WDR59: variants seen among roughly 807,000 people sequenced by gnomAD.
The protein encoded by WDR59 is WD repeat domain 59, also known as GATOR2 complex protein WDR59.
WDR59 carries 100 observed loss-of-function variants against 131.2 expected under a neutral mutation model. The ratio of observed to expected loss-of-function variants is 0.76; its 90% CI spans 0.65 to 0.90. The LOEUF (loss-of-function observed/expected upper bound fraction) is 0.90, where lower values mean the gene tolerates loss of function less well. Among genes scored for constraint, WDR59 ranks in the 40% least tolerant of loss-of-function variants. WDR59 has a pLI of 0.00. For synonymous variants in WDR59, 601 were observed against 466.2 expected, an observed-to-expected ratio of 1.29 and a Z score of -3.72; for missense variants, 1,203 against 1,262.2, an observed-to-expected ratio of 0.95 and a Z score of 0.71.
intron 3 of WDR59, among the ~76,000 whole-genome samples, chr16:74,952,463 AAAAG>A (rs1299426515): frequency 4.0e-5 from 6 of 150,406 alleles, no homozygotes; most frequent in African/African-American, 1.5e-4. Context: ...AAAAAAAAAA[AAAAG>A]AAAAGAAAAG....
At chr16:74,875,865 T>G (rs1224998809) in intron 25 of WDR59, among the ~76,000 whole-genome samples, 1 of 152,128 alleles carries the variant, frequency 6.6e-6, no homozygotes, top group Non-Finnish European at 1.5e-5. Context: ...GAAATGCATC[T>G]CACTTCATAC....
chr16:74,970,106 G>A (rs1398343760), intron 1 of WDR59, among the ~76,000 whole-genome samples: 2 of 152,096 alleles, frequency 1.3e-5, no homozygotes, highest in Non-Finnish European at 2.9e-5. Flanking sequence ...TGTATTTTTG[G>A]TAGAGATAGT....
intron 2 of WDR59, among the ~76,000 whole-genome samples, chr16:74,962,296 T>G (rs1016807435): frequency 6.6e-6 from 1 of 152,108 alleles, no homozygotes; most frequent in African/African-American, 2.4e-5. Context: ...CCGTATGAAT[T>G]TCATAGTTTT....
chr16:74,952,769 A>T (rs11645937), intron 3 of WDR59, among the ~76,000 whole-genome samples: 4,081 of 148,740 alleles, frequency 0.027, 142 homozygotes, highest in Admixed American at 0.1. Context: ...TTTTTAAATT[A>T]TATATATATA....
At position 74,951,560 on chromosome 16, in the gene WDR59, G is replaced by A. The variant is rs2033001471; in HGVS notation, c.241-17C>T. The A allele has an allele frequency of 6.4e-7, 1 of 1,571,548 alleles. No homozygotes were observed. The highest frequency in any genetic ancestry group is 1.9e-5 in the Admixed American group (1 of 52,610). ...TTGGTTACTCTGAAAAGAAAGGAAA[G>A]AAGGCCACAGGCAAGTATGTTGGGA... On this transcript the variant is annotated splice_polypyrimidine_tract_variant and intron_variant, in intron 3 of 25. Coordinates refer to ENST00000262144, the MANE Select transcript of WDR59 (RefSeq NM_030581.4).
At position 74,909,500 on chromosome 16, in the gene WDR59, C is replaced by T. The variant is rs756225766; in HGVS notation, c.1642+1G>A. 1 of 1,562,210 alleles carries T rather than the reference C, an allele frequency of 6.4e-7. No individual in the cohort carries two copies. Among genetic ancestry groups the T allele is most frequent in the African/African-American group, 1.4e-5 (1 of 72,520 alleles). On this transcript the variant is annotated splice_donor_variant, in intron 16 of 25. Coordinates refer to ENST00000262144, the MANE Select transcript of WDR59 (RefSeq NM_030581.4). LOFTEE classifies it high-confidence loss of function. The stretch of plus-strand genomic sequence containing the variant: ...AGAATCAAAGAACCAAAGAGACCCA[C>T]CTGCTCCGCAGAACCTGGCCCCAGA...
At chr16:74,889,611 T>C (rs1964941615) in intron 21 of WDR59, 92 bp downstream of exon 21, 1 of 972,662 alleles carries the variant, frequency 1.0e-6, no homozygotes, top group Non-Finnish European at 1.6e-6. Context: ...CTCGGGCCTC[T>C]GCACCTTTCT....
At chr16:74,936,548 G>A (rs971359280) in intron 8 of WDR59, among the ~76,000 whole-genome samples, 4 of 152,092 alleles carry the variant, frequency 2.6e-5, no homozygotes, top group South Asian at 4.2e-4. Context: ...AAATGCAGCC[G>A]GGCATGGTAG....
intron 20 of WDR59, among the ~76,000 whole-genome samples, chr16:74,890,350 C>A (rs1244300227): frequency 1.3e-5 from 2 of 152,062 alleles, no homozygotes; most frequent in Non-Finnish European, 2.9e-5. Context: ...GGGGTTTTGC[C>A]ATGTTGGCCA....
At chr16:74,896,666 C>T (rs1965314317) in intron 18 of WDR59, among the ~76,000 whole-genome samples, 2 of 151,918 alleles carry the variant, frequency 1.3e-5, no homozygotes, top group African/African-American at 4.8e-5. Context: ...ATTTCCTGAC[C>T]TTTAAAACAA....
intron 23 of WDR59, 95 bp from the exon 24 acceptor site, chr16:74,886,491 TC>T: frequency 6.8e-7 from 1 of 1,476,078 alleles, no homozygotes; most frequent in Non-Finnish European, 9.1e-7. Context: ...CCAATGGATT[TC>T]CCAGAAGAAA....
At chr16:74,965,419 GGAAC>G (rs1461485257) in intron 2 of WDR59, among the ~76,000 whole-genome samples, 1 of 152,108 alleles carries the variant, frequency 6.6e-6, no homozygotes. Context: ...CCGTCAAACT[GGAAC>G]TCAGATTCCT....
chr16:74,931,980 T>A (rs1210669400), intron 8 of WDR59, among the ~76,000 whole-genome samples: 3 of 151,934 alleles, frequency 2.0e-5, no homozygotes, highest in Non-Finnish European at 4.4e-5. Flanking sequence ...TGTTATAATA[T>A]CAACTTAAAT....
intron 25 of WDR59, among the ~76,000 whole-genome samples, chr16:74,880,195 C>T (rs1166461226): frequency 3.3e-5 from 5 of 152,128 alleles, no homozygotes; most frequent in Non-Finnish European, 5.9e-5. Context: ...CGCCTGTAAT[C>T]CCAGCACTTT....
At chr16:74,895,250 C>A (rs1965241971) in intron 18 of WDR59, among the ~76,000 whole-genome samples, 1 of 151,990 alleles carries the variant, frequency 6.6e-6, no homozygotes, top group South Asian at 2.1e-4. Context: ...GGAACTTTAA[C>A]CCGTTTGATC....
At chr16:74,954,621 T>C (rs1314585328) in intron 3 of WDR59, among the ~76,000 whole-genome samples, 5 of 152,124 alleles carry the variant, frequency 3.3e-5, no homozygotes, top group African/African-American at 7.2e-5. Context: ...AGAATTACCA[T>C]ATGACCCTGC....
chr16:74,914,695 G>A (rs569903466), intron 13 of WDR59, among the ~76,000 whole-genome samples: 2 of 151,752 alleles, frequency 1.3e-5, no homozygotes, highest in African/African-American at 4.8e-5. Flanking sequence ...CTGGGTTCAA[G>A]CGATTCTCCT....
intron 1 of WDR59, among the ~76,000 whole-genome samples, chr16:74,981,637 T>TATATATATATAC (rs2034417729): frequency 3.2e-5 from 1 of 31,496 alleles, no homozygotes; most frequent in African/African-American, 1.3e-4. Flanking sequence ...TATATATATA[T>TATATATATATAC]ATATATATAT....
In WDR59 at chr16:74,985,072, C is replaced by A. The variant is rs2034572841; in HGVS notation, c.-55G>T. 6.6e-7 allele frequency: 1 copy of A among 1,504,314 alleles called. No individual in the cohort carries two copies. Among genetic ancestry groups the A allele is most frequent in the South Asian group, 1.2e-5 (1 of 83,288 alleles). 93.2% of individuals were successfully genotyped at this position (1,504,314 alleles called of 1,614,324 possible). ...ACGGCGCCCTCCCACCCCGCCGTCC[C>A]CAGTATCCCGGGACCGTGCGCCCCA... is the stretch of plus-strand genomic sequence containing the variant. On this transcript the variant is annotated 5_prime_UTR_variant, in exon 1 of 26. Transcript: ENST00000262144.
Sources: gnomAD v4.1 joint callset for allele counts (sites outside exome capture counted in the v4.1 genomes callset) on GRCh38, gnomAD v4.1.1 for gene constraint, MANE v1.5 for transcripts, NCBI Gene and HGNC (gene_info 2026-07-23, HGNC 2026-07-21) for gene names.